SMYD1: variants seen among roughly 807,000 people sequenced by gnomAD.
SMYD1 encodes SET and MYND domain containing 1.
Under a neutral mutation model 54.0 loss-of-function variants are expected in SMYD1, and 49 were observed. The observed-to-expected ratio is 0.91, with a 90% CI of 0.72 to 1.15. The LOEUF is 1.15. Ranked by LOEUF, SMYD1 falls within the 50% of genes most tolerant of loss-of-function variation. The pLI, the probability that SMYD1 is intolerant of heterozygous loss-of-function variation, is 0.00. For missense variants in SMYD1, 653 were observed against 639.6 expected, an observed-to-expected ratio of 1.02 and a Z score of -0.23; for synonymous variants, 269 against 234.2, an observed-to-expected ratio of 1.15 and a Z score of -1.36.
intron 4 of SMYD1, among the ~76,000 whole-genome samples, chr2:88,092,204 C>T (rs11676393): frequency 0.42 from 63,664 of 151,638 alleles, 13,904 homozygotes; most frequent in East Asian, 0.72. Flanking sequence ...GAAGCCAGAC[C>T]GCAAAGAAAC....
rs113917041 is a variant in SMYD1, at chr2:88,079,877, C to A, written c.138-4439C>A. 6.8e-4 allele frequency among the ~76,000 whole-genome samples: 104 copies of A among 152,274 alleles called. 1 individual carries two copies. The highest frequency in any genetic ancestry group is 2.3e-3 in the African/African-American group (95 of 41,560). On this transcript the variant is annotated intron_variant, in intron 1 of 9. Transcript: ENST00000419482. ...TCTGTTTTTTGTTACCACCATGTAC[C>A]AGCAATTCTAAACAACGTCAAGGAT... is the stretch of plus-strand genomic sequence containing the variant.
chr2:88,077,448 C>T (rs1674092954), intron 1 of SMYD1, among the ~76,000 whole-genome samples: 1 of 152,200 alleles, frequency 6.6e-6, no homozygotes, highest in Admixed American at 6.5e-5. Flanking sequence ...TGATCTCGGC[C>T]AGTCTAAAGG....
intron 1 of SMYD1, chr2:88,082,736 T>C (rs1674227912): frequency 6.5e-6 from 1 of 154,352 alleles, no homozygotes; most frequent in Admixed American, 6.5e-5. Flanking sequence ...GATCTGGGAG[T>C]ATTTAACTTG....
At chr2:88,109,603 G>C (rs146866708) in intron 9 of SMYD1, among the ~76,000 whole-genome samples, 1 of 152,286 alleles carries the variant, frequency 6.6e-6, no homozygotes, top group Non-Finnish European at 1.5e-5. Context: ...TCTAGGGAAG[G>C]TGGACAGACT....
Position 88,089,707 on chromosome 2 carries a change from C to T in SMYD1, c.529-1305C>T, listed in dbSNP as rs1674421571. Among the ~76,000 whole-genome samples, 4 of 151,832 alleles carry T rather than the reference C, an allele frequency of 2.6e-5. No homozygotes were observed. In the South Asian group the frequency reaches 8.4e-4, roughly 32 times the overall value. On this transcript the variant is annotated intron_variant, in intron 3 of 9. Coordinates refer to ENST00000419482, the MANE Select transcript of SMYD1 (RefSeq NM_198274.4). The stretch of plus-strand genomic sequence containing the variant: ...TTCCAGGCTCAAGTGATCCTCCCGC[C>T]TCCCAAGTAGCTGGGACCACAGATG...
At chr2:88,072,283 T>A (rs1673965673) in intron 1 of SMYD1, among the ~76,000 whole-genome samples, 1 of 152,144 alleles carries the variant, frequency 6.6e-6, no homozygotes, top group African/African-American at 2.4e-5. Flanking sequence ...CCCGAGTAGC[T>A]GGGACTACAG....
rs573969372 is a variant in SMYD1, at chr2:88,092,931, C to T, written c.660-586C>T. 3.3e-5 allele frequency among the ~76,000 whole-genome samples: 5 copies of T among 152,334 alleles called. No homozygotes were observed. In the East Asian group the frequency reaches 9.6e-4, roughly 29 times the overall value. On this transcript the variant is annotated intron_variant, in intron 4 of 9. Transcript: ENST00000419482. The stretch of plus-strand genomic sequence containing the variant: ...CTTCCTTGCATCTACTAATTTCTAG[C>T]AGCCACATTTTATCCAGGCTTCTTG...
intron 7 of SMYD1, among the ~76,000 whole-genome samples, chr2:88,104,801 A>G (rs1372336972): frequency 6.6e-6 from 1 of 152,242 alleles, no homozygotes; most frequent in African/African-American, 2.4e-5. Context: ...CCTAAAATCT[A>G]GAGACCACTA....
At chr2:88,103,244 G>C in intron 7 of SMYD1, 94 bp downstream of exon 7, 4 of 911,914 alleles carry the variant, frequency 4.4e-6, no homozygotes, top group South Asian at 1.4e-5. Context: ...CGGGCGGCGG[G>C]GGAGGGGGGC....
Position 88,108,538 on chromosome 2 carries a change from A to T in SMYD1, c.1313A>T (p.Glu438Val). 6.3e-7 allele frequency: 1 copy of T among 1,580,998 alleles called. No homozygotes were observed. The highest frequency in any genetic ancestry group is 8.6e-7 in the Non-Finnish European group (1 of 1,163,652). The stretch of plus-strand genomic sequence containing the variant: ...TCCCACCCCATCACTAAGGACTTAG[A>T]GGCAAGTAGCGTCTTGAGGCTGGTG... ...GPSHPITKDL[E>V]AMRVQTEMEL... The change falls in exon 9 of 10, where the codon GAG (glutamate) becomes GTG (valine). Residue 438 changes from glutamate (E) to valine (V), a missense_variant and splice_region_variant. Physicochemically the swap from Glu to Val is moderately radical, Grantham distance 121 (BLOSUM62 -2). Coordinates refer to ENST00000419482, the MANE Select transcript of SMYD1 (RefSeq NM_198274.4).
At chr2:88,105,400 T>C (rs184982709) in intron 7 of SMYD1, among the ~76,000 whole-genome samples, 4,885 of 146,604 alleles carry the variant, frequency 0.033, 268 homozygotes, top group African/African-American at 0.12. Context: ...CACACACACA[T>C]ATCGATATCT....
At position 88,112,912 on chromosome 2, in the gene SMYD1, C is replaced by T. The variant is rs115495247; in HGVS notation, c.*2400C>T. 1.0e-2 allele frequency: 1,517 copies of T among 152,350 alleles called. 17 individuals are homozygous for T. Among genetic ancestry groups the T allele is most frequent in the Non-Finnish European group, 0.015 (1,002 of 68,068 alleles). 9.4% of individuals were successfully genotyped at this position (152,350 alleles called of 1,614,324 possible). ...TCTCATGTCATTCTGCACACAGTCTCTGCATGAACTCAGGCAGACCCTTCA... is the reference window on the plus strand; with the variant it reads ...TCTCATGTCATTCTGCACACAGTCTTTGCATGAACTCAGGCAGACCCTTCA... On this transcript the variant is annotated 3_prime_UTR_variant, in exon 10 of 10. Coordinates refer to ENST00000419482, the MANE Select transcript of SMYD1 (RefSeq NM_198274.4).
At chr2:88,096,879 AG>A in intron 6 of SMYD1, 95 bp downstream of exon 6, 2 of 1,286,546 alleles carry the variant, frequency 1.6e-6, no homozygotes, top group South Asian at 2.9e-5. Context: ...CCTGCCCATG[AG>A]CTTCCTAGGG....
In SMYD1 at chr2:88,113,181, A is replaced by C. The variant is rs1031068366; in HGVS notation, c.*2669A>C. The C allele has an allele frequency of 6.6e-6, 1 of 152,148 alleles. No individual in the cohort carries two copies. The highest frequency in any genetic ancestry group is 1.9e-4 in the East Asian group (1 of 5,196). The allele number at this position is 152,148 out of a possible 1,614,324, so 9.4% of individuals were successfully genotyped here. On this transcript the variant is annotated 3_prime_UTR_variant, in exon 10 of 10. Transcript: ENST00000419482. ...TGGAGGGCAGGAGCTGTGTCCTTCTATTCATCTTCCTATCCCCAGAACCTT... is the reference window on the plus strand; with the variant it reads ...TGGAGGGCAGGAGCTGTGTCCTTCTCTTCATCTTCCTATCCCCAGAACCTT...
Position 88,099,938 on chromosome 2 carries a change from G to A in SMYD1, c.889-3120G>A, listed in dbSNP as rs536330570. Among the ~76,000 whole-genome samples the A allele has an allele frequency of 1.4e-4, 20 of 146,586 alleles. No individual in the cohort carries two copies. The Middle Eastern group carries it at 0.01, about 75-fold the overall frequency. ...CTCTGGCCCCTCCCCTTATCCTCTG[G>A]CCCCTTTCCTTATCCTCTGGCTCCT... On this transcript the variant is annotated intron_variant, in intron 6 of 9. Coordinates refer to ENST00000419482, the MANE Select transcript of SMYD1 (RefSeq NM_198274.4).
At chr2:88,104,861 A>G (rs1674820671) in intron 7 of SMYD1, among the ~76,000 whole-genome samples, 1 of 152,230 alleles carries the variant, frequency 6.6e-6, no homozygotes, top group African/African-American at 2.4e-5. Flanking sequence ...AGTCAGTCAG[A>G]AAAGCCTGAC....
intron 1 of SMYD1, among the ~76,000 whole-genome samples, chr2:88,076,245 C>T (rs1171856420): frequency 6.6e-6 from 1 of 152,118 alleles, no homozygotes; most frequent in African/African-American, 2.4e-5. Flanking sequence ...GACAGAGTCT[C>T]GCTCTGTCGC....
chr2:88,068,992 G>A (rs1673891937), intron 1 of SMYD1, among the ~76,000 whole-genome samples: 1 of 152,124 alleles, frequency 6.6e-6, no homozygotes, highest in Non-Finnish European at 1.5e-5. Context: ...CTGGGCCGTA[G>A]GATGTGATGT....
intron 1 of SMYD1, among the ~76,000 whole-genome samples, chr2:88,078,452 A>G (rs1674117298): frequency 1.3e-5 from 2 of 152,178 alleles, no homozygotes; most frequent in African/African-American, 4.8e-5. Context: ...TGGAGAAGTT[A>G]GGGGACTTGC....
Sources: allele counts gnomAD v4.1 joint callset (sites outside exome capture counted in the v4.1 genomes callset), GRCh38; gene constraint gnomAD v4.1.1; transcripts MANE v1.5; gene names NCBI Gene and HGNC (gene_info 2026-07-23, HGNC 2026-07-21).